The following RTL1 variants were observed in gnomAD, a reference collection of about 807,000 sequenced individuals.
RTL1 encodes the protein retrotransposon-like protein 1.
For missense variants in RTL1, 1,681 were observed against 1,767.5 expected (o/e 0.95, Z 0.88); for synonymous variants, 727 against 748.4 (o/e 0.97, Z 0.47).
intron 2 of RTL1, among the ~76,000 whole-genome samples, chr14:100,902,243 G>C (rs1335811188): frequency 6.6e-6 from 1 of 152,056 alleles, no homozygotes; most frequent in African/African-American, 2.4e-5. Context: ...TCTGCCCTCC[G>C]ATCTCTGCAG....
intron 3 of RTL1, among the ~76,000 whole-genome samples, chr14:100,887,824 CT>C (rs1469962165): frequency 1.3e-5 from 2 of 152,044 alleles, no homozygotes; most frequent in Non-Finnish European, 2.9e-5. Context: ...TCTGTCATCC[CT>C]CAAAATAGTG....
At chr14:100,891,483 C>A (rs1178649031) in intron 3 of RTL1, among the ~76,000 whole-genome samples, 1 of 152,186 alleles carries the variant, frequency 6.6e-6, no homozygotes, top group African/African-American at 2.4e-5. Context: ...TGTAGAGGGA[C>A]CCCCAGCCCC....
chr14:100,880,771 T>C lies in RTL1; in HGVS notation c.4018A>G (p.Arg1340Gly). The C allele has an allele frequency of 6.4e-7, 1 of 1,550,780 alleles. No homozygotes were observed. Among genetic ancestry groups the C allele is most frequent in the Non-Finnish European group, 8.7e-7 (1 of 1,146,960 alleles). ...LPIPAWESQPREQARLEELPD... is the reference protein window; with the variant it reads ...LPIPAWESQPGEQARLEELPD... Reference sequence around the variant, plus strand: ...AGCTCTTCTAGCCTTGCCTGCTCCCTGGGCTGGCTCTCCCAGGCGGGGATG... The same window carrying C: ...AGCTCTTCTAGCCTTGCCTGCTCCCCGGGCTGGCTCTCCCAGGCGGGGATG... The change falls in exon 4 of 4, where the codon AGG becomes GGG. Residue 1340 changes from arginine to glycine, a missense_variant. Arg to Gly is a moderately radical substitution (Grantham distance 125). Coordinates refer to ENST00000649591, the MANE Select transcript of RTL1 (RefSeq NM_001134888.3).
At chr14:100,901,736 T>C (rs2038944816) in intron 2 of RTL1, among the ~76,000 whole-genome samples, 2 of 151,970 alleles carry the variant, frequency 1.3e-5, no homozygotes. Flanking sequence ...CCACTCTAGG[T>C]GTTCTGGCCC....
chr14:100,879,919 T>A lies in RTL1; in HGVS notation c.*793A>T, dbSNP rs928547101. Among the ~76,000 whole-genome samples the A allele has an allele frequency of 2.0e-5, 3 of 151,854 alleles. No homozygotes were observed. The highest frequency in any genetic ancestry group is 7.3e-5 in the African/African-American group (3 of 41,318). Reference sequence around the variant, plus strand: ...TGTGTGCCTTCTGGGACTCCATCCCTGTATGAGGGGCCCCTGCACCCCTGC... The same window carrying A: ...TGTGTGCCTTCTGGGACTCCATCCCAGTATGAGGGGCCCCTGCACCCCTGC... On this transcript the variant is annotated 3_prime_UTR_variant, in exon 4 of 4. Coordinates refer to ENST00000649591, the MANE Select transcript of RTL1 (RefSeq NM_001134888.3).
chr14:100,902,608 T>TAGC (rs34441254), intron 2 of RTL1, among the ~76,000 whole-genome samples: 22,028 of 151,770 alleles, frequency 0.15, 1,729 homozygotes, highest in Non-Finnish European at 0.18. Flanking sequence ...AGCCCTGCAG[T>TAGC]AGCAGCAGCA....
In RTL1 at chr14:100,881,870, G is replaced by A. The variant is rs1487966543; in HGVS notation, c.2919C>T (p.Phe973=). The change falls in exon 4 of 4, where the codon TTC becomes TTT. Residue 973 remains phenylalanine, a synonymous_variant. Transcript: ENST00000649591. This position sits in a 1 kb window ranked among gnomAD's most constrained non-coding sequence, Gnocchi z 6.6. The part of the protein sequence containing the change: ...TVLLPGHWVF[F]FSHFNFDVME... ...TGACGTCAAAGTTGAAGTGGGAGAA[G>A]AAGAAGACCCAATGCCCGGGGAGAA... 5 of 1,613,740 alleles carry A rather than the reference G, an allele frequency of 3.1e-6. No individual in the cohort carries two copies. The East Asian group carries it at 8.9e-5, about 29-fold the overall frequency.
intron 2 of RTL1, among the ~76,000 whole-genome samples, chr14:100,902,608 T>C (rs985646200): frequency 6.6e-6 from 1 of 151,680 alleles, no homozygotes; most frequent in Non-Finnish European, 1.5e-5. Context: ...AGCCCTGCAG[T>C]AGCAGCAGCA....
rs769402222 is a variant in RTL1, at chr14:100,903,606, G to T, written c.-246C>A. ...AGAAAGGCAAAGTCCTATACTCACC[G>T]TCTCTCAGCTGGTGTGAGGCTGGGC... On this transcript the variant is annotated splice_region_variant and 5_prime_UTR_variant, in exon 1 of 4. Coordinates refer to ENST00000649591, the MANE Select transcript of RTL1 (RefSeq NM_001134888.3). Among the ~76,000 whole-genome samples, 1 of 152,120 alleles carries T rather than the reference G, an allele frequency of 6.6e-6. No individual in the cohort carries two copies. The highest frequency in any genetic ancestry group is 1.5e-5 in the Non-Finnish European group (1 of 68,016).
intron 2 of RTL1, among the ~76,000 whole-genome samples, chr14:100,895,682 T>C (rs1187195536): frequency 6.6e-5 from 10 of 152,128 alleles, no homozygotes; most frequent in African/African-American, 2.2e-4. Context: ...ATGCGGACTT[T>C]GAGAGGAGTG....
chr14:100,881,170 G>T lies in RTL1; in HGVS notation c.3619C>A (p.Gln1207Lys), dbSNP rs1361881067. The T allele has an allele frequency of 1.9e-6, 3 of 1,541,392 alleles. No individual in the cohort carries two copies. The highest frequency in any genetic ancestry group is 2.4e-5 in the South Asian group (2 of 81,886). The stretch of plus-strand genomic sequence containing the variant: ...CGCAGGGCAGGGAGGTGGCCCTCCT[G>T]GGGGGTGACTCTGACACCGAAGAAC... Reference protein sequence around the residue: ...CEFFGVRVTPQEGHLPALRQN... With the variant: ...CEFFGVRVTPKEGHLPALRQN... Residue 1207 changes from glutamine (Q) to lysine (K), a missense_variant, in exon 4 of 4, where the codon CAG becomes AAG. By Grantham distance (53) the Gln-to-Lys change is moderately conservative. Coordinates refer to ENST00000649591, the MANE Select transcript of RTL1 (RefSeq NM_001134888.3). This position sits in a 1 kb window ranked among gnomAD's most constrained non-coding sequence, Gnocchi z 6.6.
At chr14:100,896,684 C>T (rs2038861027) in intron 2 of RTL1, among the ~76,000 whole-genome samples, 1 of 152,140 alleles carries the variant, frequency 6.6e-6, no homozygotes, top group South Asian at 2.1e-4. Context: ...TTCCCGTTCT[C>T]CTGCAGCTGA....
chr14:100,880,576 A>T lies in RTL1; in HGVS notation c.*136T>A. The T allele has an allele frequency of 6.9e-7, 1 of 1,457,108 alleles. No individual in the cohort carries two copies. Among genetic ancestry groups the T allele is most frequent in the Non-Finnish European group, 9.1e-7 (1 of 1,103,794 alleles). The allele number at this position is 1,457,108 out of a possible 1,614,324, so 90.3% of individuals were successfully genotyped here. ...TGAGTTGAAGAAGTTGTTGCCCTTCACAAGTGGGTTCCTCTTGGGTCAGGA... is the reference window on the plus strand; with the variant it reads ...TGAGTTGAAGAAGTTGTTGCCCTTCTCAAGTGGGTTCCTCTTGGGTCAGGA... On this transcript the variant is annotated 3_prime_UTR_variant, in exon 4 of 4. Coordinates refer to ENST00000649591, the MANE Select transcript of RTL1 (RefSeq NM_001134888.3).
Position 100,881,818 on chromosome 14 carries a change from G to A in RTL1, c.2971C>T (p.Arg991Ter). 2 of 1,613,950 alleles carry A rather than the reference G, an allele frequency of 1.2e-6. No homozygotes were observed. The highest frequency in any genetic ancestry group is 1.7e-6 in the Non-Finnish European group (2 of 1,180,038). Reference protein sequence around the residue: ...VMELPEQDGGRALPPVRNLRW... With the variant: ...VMELPEQDGG ...AGGTTTCTCACAGGTGGCAGAGCTC[G>A]GCCGCCGTCTTGTTCTGGCAGCTCC... The change falls in exon 4 of 4, where the codon CGA becomes TGA. Residue 991 changes from arginine to a stop codon, truncating the protein, a stop_gained. Coordinates refer to ENST00000649591, the MANE Select transcript of RTL1 (RefSeq NM_001134888.3). LOFTEE classifies it low-confidence loss of function (END_TRUNC). This position sits in a 1 kb window ranked among gnomAD's most constrained non-coding sequence, Gnocchi z 6.6.
At position 100,893,939 on chromosome 14, in the gene RTL1, G is replaced by A. The variant is rs2038817837; in HGVS notation, c.-148-434C>T. Among the ~76,000 whole-genome samples the A allele has an allele frequency of 6.6e-6, 1 of 152,198 alleles. No individual in the cohort carries two copies. Among genetic ancestry groups the A allele is most frequent in the African/African-American group, 2.4e-5 (1 of 41,454 alleles). On this transcript the variant is annotated intron_variant, in intron 2 of 3. Coordinates refer to ENST00000649591, the MANE Select transcript of RTL1 (RefSeq NM_001134888.3). The surrounding 1 kb of genome is among the most constrained non-coding windows in gnomAD (Gnocchi z 4.2). ...CGTCCTCACTGGCCATGGCCCTGCA[G>A]CCTTGCTCTTCAGTTCCTGGAAGCC... is the stretch of plus-strand genomic sequence containing the variant.
Position 100,882,935 on chromosome 14 carries a change from A to G in RTL1, c.1854T>C (p.Pro618=). Reference sequence around the variant, plus strand: ...CTCTTTCTTGCATCCTGGCACCCACAGGTTCCCAAGGCGCGGTGGAGGGAC... The same window carrying G: ...CTCTTTCTTGCATCCTGGCACCCACGGGTTCCCAAGGCGCGGTGGAGGGAC... The part of the protein sequence containing the change: ...YECPSTAPWE[P]VGARMQERAR... Residue 618 remains proline (P), a synonymous_variant, in exon 4 of 4, where the codon CCT becomes CCC. Coordinates refer to ENST00000649591, the MANE Select transcript of RTL1 (RefSeq NM_001134888.3). 4 of 1,612,188 alleles carry G rather than the reference A, an allele frequency of 2.5e-6. No individual in the cohort carries two copies. The highest frequency in any genetic ancestry group is 3.4e-6 in the Non-Finnish European group (4 of 1,179,218).
rs1409692677 is a variant in RTL1, at chr14:100,882,724, C to T, written c.2065G>A (p.Ala689Thr). ...ATCTCTTCAAGCTCCAAACCAAACG[C>T]TGCTTTCCACACATCTTCGGTGCGG... ...GHRTEDVWKA[A>T]FGLELEEMKS... The change falls in exon 4 of 4, where the codon GCG becomes ACG. Residue 689 changes from alanine to threonine, a missense_variant. Coordinates refer to ENST00000649591, the MANE Select transcript of RTL1 (RefSeq NM_001134888.3). The T allele has an allele frequency of 4.5e-6, 7 of 1,551,866 alleles. No homozygotes were observed. The highest frequency in any genetic ancestry group is 5.2e-6 in the Non-Finnish European group (6 of 1,147,082).
intron 3 of RTL1, among the ~76,000 whole-genome samples, chr14:100,890,054 T>C (rs1326560969): frequency 7.3e-6 from 1 of 137,888 alleles, no homozygotes; most frequent in African/African-American, 2.6e-5. Flanking sequence ...TCTACTGATT[T>C]GAAAATTCCC....
At chr14:100,892,073 A>G (rs577836793) in intron 3 of RTL1, among the ~76,000 whole-genome samples, 1 of 152,296 alleles carries the variant, frequency 6.6e-6, no homozygotes, top group South Asian at 2.1e-4. Flanking sequence ...GATCTGAGCA[A>G]TGGTTGAAAG....
Sources: allele counts gnomAD v4.1 joint callset (sites outside exome capture counted in the v4.1 genomes callset), GRCh38; gene constraint gnomAD v4.1.1; non-coding constraint Gnocchi (gnomAD v3.1); transcripts MANE v1.5; gene names NCBI Gene and HGNC (gene_info 2026-07-23, HGNC 2026-07-21).